DLGAP2: variants seen among roughly 807,000 people sequenced by gnomAD.
DLGAP2 encodes the protein DLG associated protein 2.
In DLGAP2, 26 loss-of-function variants were observed where a neutral mutation model predicts 100.3. That is an observed-to-expected ratio of 0.26 (90% confidence interval 0.19 to 0.36). DLGAP2 has a LOEUF of 0.36. Among genes scored for constraint, DLGAP2 ranks in the 10% least tolerant of loss-of-function variants. DLGAP2 has a pLI of 1.00. For missense variants in DLGAP2, 1,858 were observed against 1,453.2 expected (o/e 1.28, Z -4.53); for synonymous variants, 886 against 630.1 (o/e 1.41, Z -6.08).
chr8:791,341 C>T (rs1282534688), intron 1 of DLGAP2, among the ~76,000 whole-genome samples: 1 of 152,196 alleles, frequency 6.6e-6, no homozygotes, highest in Non-Finnish European at 1.5e-5. Context: ...GTTCCGGGTT[C>T]TCATCTTCCC....
intron 1 of DLGAP2, among the ~76,000 whole-genome samples, chr8:864,842 A>G (rs1415447021): frequency 6.6e-6 from 1 of 152,180 alleles, no homozygotes; most frequent in Non-Finnish European, 1.5e-5. Context: ...AAATATTAAT[A>G]TTTATATTGG....
At position 1,410,405 on chromosome 8, in the gene DLGAP2, G is replaced by A. The variant is rs79923510; in HGVS notation, c.107-90961G>A. Among the ~76,000 whole-genome samples, 540 of 152,300 alleles carry A rather than the reference G, an allele frequency of 3.5e-3. 10 individuals are homozygous for A. In the East Asian group the frequency reaches 0.048, roughly 13 times the overall value. On this transcript the variant is annotated intron_variant, in intron 3 of 14. Transcript: ENST00000637795. ...CCAGTCTGACCCCTTTGAAATACTC[G>A]CTGAGTGCTTCCTTTTTATTCTCTC...
chr8:1,568,376 C>G (rs13264709), intron 6 of DLGAP2, among the ~76,000 whole-genome samples: 2,685 of 23,320 alleles, frequency 0.12, 212 homozygotes, highest in African/African-American at 0.15. Flanking sequence ...CCACTCAGCA[C>G]ACACAAATCC....
chr8:1,603,302 A>G (rs4876109), intron 6 of DLGAP2, among the ~76,000 whole-genome samples: 23 of 102,406 alleles, frequency 2.2e-4, no homozygotes, highest in South Asian at 3.3e-4. Context: ...AGAGTGGAGG[A>G]TGGGTCTCAG....
At chr8:755,943 T>C (rs1268575432) in intron 1 of DLGAP2, among the ~76,000 whole-genome samples, 1 of 151,914 alleles carries the variant, frequency 6.6e-6, no homozygotes, top group East Asian at 1.9e-4. Flanking sequence ...TGCCCACAGG[T>C]GGTCGGGGGA....
chr8:984,866 G>C (rs374837193), intron 2 of DLGAP2, among the ~76,000 whole-genome samples: 7 of 152,158 alleles, frequency 4.6e-5, no homozygotes, highest in African/African-American at 1.7e-4. Flanking sequence ...AGGGTGACCT[G>C]AATTTTTCTT....
chr8:1,249,760 G>A (rs1227870459), intron 2 of DLGAP2, among the ~76,000 whole-genome samples: 2 of 152,170 alleles, frequency 1.3e-5, no homozygotes, highest in East Asian at 3.8e-4. Flanking sequence ...TCAGGGGTGG[G>A]CCATTTATTT....
intron 3 of DLGAP2, among the ~76,000 whole-genome samples, chr8:1,355,257 G>A (rs1277012500): frequency 6.6e-6 from 1 of 152,286 alleles, no homozygotes; most frequent in Non-Finnish European, 1.5e-5. Flanking sequence ...GCACAGCACA[G>A]GCAGAGAGCA....
chr8:1,067,815 C>T (rs1427118808), intron 2 of DLGAP2, among the ~76,000 whole-genome samples: 2 of 152,032 alleles, frequency 1.3e-5, no homozygotes, highest in African/African-American at 2.4e-5. Context: ...CATCCTCACC[C>T]GGAGTCCGTG....
chr8:955,734 T>C (rs1799582007), intron 2 of DLGAP2, among the ~76,000 whole-genome samples: 1 of 152,240 alleles, frequency 6.6e-6, no homozygotes, highest in Non-Finnish European at 1.5e-5. Flanking sequence ...TACATGAATT[T>C]TAAATAGGAT....
In DLGAP2 at chr8:848,379, G is replaced by A. The variant is rs191862345; in HGVS notation, c.19-59533G>A. Among the ~76,000 whole-genome samples the A allele has an allele frequency of 6.6e-5, 8 of 121,546 alleles. No individual in the cohort carries two copies. The East Asian group carries it at 6.9e-4, about 10-fold the overall frequency. 79.7% of individuals were successfully genotyped at this position (121,546 alleles called of 152,430 possible). A position where few individuals can be genotyped will look rare whatever the true frequency, so the allele number is the denominator to read the frequency against. ...GCGGTGCCTGTTCCAGTGTAGGGTC[G>A]TGCGGTGCGTGTTCCAGTGTAGGGT... is the stretch of plus-strand genomic sequence containing the variant. On this transcript the variant is annotated intron_variant, in intron 1 of 14. Coordinates refer to ENST00000637795, the MANE Select transcript of DLGAP2 (RefSeq NM_001346810.2).
At chr8:1,518,296 G>C (rs1345493472) in intron 4 of DLGAP2, among the ~76,000 whole-genome samples, 2 of 152,174 alleles carry the variant, frequency 1.3e-5, no homozygotes, top group African/African-American at 4.8e-5. Context: ...ATCCTCATCT[G>C]CCAGGACACA....
chr8:1,022,152 C>T (rs531490044), intron 2 of DLGAP2, among the ~76,000 whole-genome samples: 3 of 152,166 alleles, frequency 2.0e-5, no homozygotes, highest in African/African-American at 4.8e-5. Flanking sequence ...CACCCATCCT[C>T]CCTGGGGGTG....
chr8:1,167,478 A>T (rs537720602), intron 2 of DLGAP2, among the ~76,000 whole-genome samples: 1 of 152,176 alleles, frequency 6.6e-6, no homozygotes, highest in Admixed American at 6.5e-5. Flanking sequence ...TGTCAAACCC[A>T]TGGTGTTTCT....
intron 2 of DLGAP2, among the ~76,000 whole-genome samples, chr8:989,778 A>G (rs1800601532): frequency 1.3e-5 from 2 of 152,160 alleles, no homozygotes; most frequent in Non-Finnish European, 2.9e-5. Flanking sequence ...GTATTTTGAG[A>G]TTCAGAAATT....
intron 3 of DLGAP2, among the ~76,000 whole-genome samples, chr8:1,325,767 G>T (rs1160721818): frequency 6.6e-6 from 1 of 152,196 alleles, no homozygotes; most frequent in African/African-American, 2.4e-5. Flanking sequence ...CTGTTTTCCT[G>T]AGACGGGTGA....
chr8:1,281,193 T>C (rs1799806602), intron 3 of DLGAP2, among the ~76,000 whole-genome samples: 1 of 152,248 alleles, frequency 6.6e-6, no homozygotes, highest in African/African-American at 2.4e-5. Context: ...CTGTATCCTA[T>C]AGATGTCTCA....
At chr8:1,054,315 C>T (rs906742719) in intron 2 of DLGAP2, among the ~76,000 whole-genome samples, 3 of 152,078 alleles carry the variant, frequency 2.0e-5, no homozygotes, top group Admixed American at 6.6e-5. Flanking sequence ...AAAAGTCATT[C>T]GCAGTCATGT....
At chr8:919,815 C>G (rs1231408794) in intron 2 of DLGAP2, among the ~76,000 whole-genome samples, 3 of 152,216 alleles carry the variant, frequency 2.0e-5, no homozygotes, top group African/African-American at 4.8e-5. Context: ...TCTGTGGTGT[C>G]TGGAATATTT....
Sources: allele counts gnomAD v4.1 joint callset (sites outside exome capture counted in the v4.1 genomes callset), GRCh38; gene constraint gnomAD v4.1.1; transcripts MANE v1.5; gene names NCBI Gene and HGNC (gene_info 2026-07-23, HGNC 2026-07-21).